Variants in PDE11A observed in about 807,000 individuals in gnomAD.
The protein encoded by PDE11A is dual 3',5'-cyclic-AMP and -GMP phosphodiesterase 11A.
In PDE11A, 100 loss-of-function variants were observed where a neutral mutation model predicts 100.5. That is an observed-to-expected ratio of 1.00 (90% CI 0.85 to 1.18). The LOEUF (loss-of-function observed/expected upper bound fraction) is 1.18. PDE11A is among the 50% of genes most tolerant of loss of function. The pLI is 0.00. For synonymous variants in PDE11A, 381 were observed against 420.8 expected (o/e 0.91, Z 1.16); for missense variants, 1,141 against 1,152.6 (o/e 0.99, Z 0.15).
At chr2:177,937,104 C>T (rs966777867) in intron 2 of PDE11A, among the ~76,000 whole-genome samples, 13 of 152,046 alleles carry the variant, frequency 8.6e-5, no homozygotes, top group Admixed American at 6.6e-5. Context: ...GAACGTTGTA[C>T]GTGCTTTTAC....
intron 19 of PDE11A, among the ~76,000 whole-genome samples, chr2:177,658,479 T>C (rs1414853517): frequency 1.3e-5 from 2 of 151,310 alleles, no homozygotes; most frequent in East Asian, 3.9e-4. Flanking sequence ...CTCTCCTCCC[T>C]TCCCCTCTCC....
At chr2:178,014,521 A>T in intron 1 of PDE11A, 61 bp from the exon 2 acceptor site, 1 of 1,383,610 alleles carries the variant, frequency 7.2e-7, no homozygotes, top group Non-Finnish European at 1.0e-6. Context: ...AGAAGGAGAG[A>T]GAGGTTTATT....
intron 12 of PDE11A, among the ~76,000 whole-genome samples, chr2:177,725,392 T>G (rs1218775561): frequency 6.6e-6 from 1 of 152,126 alleles, no homozygotes; most frequent in African/African-American, 2.4e-5. Context: ...CAGAAAATAC[T>G]ATCTTTTCCA....
chr2:177,721,305 C>T (rs1574078133), intron 12 of PDE11A, among the ~76,000 whole-genome samples: 1 of 152,074 alleles, frequency 6.6e-6, no homozygotes, highest in African/African-American at 2.4e-5. Context: ...TGTTTGCTAG[C>T]GTATTTCAAA....
At chr2:177,666,215 A>G (rs146038471) in intron 18 of PDE11A, among the ~76,000 whole-genome samples, 32 of 152,304 alleles carry the variant, frequency 2.1e-4, no homozygotes, top group African/African-American at 7.5e-4. Context: ...CACTGTTTTC[A>G]AGGTTTACCC....
intron 1 of PDE11A, among the ~76,000 whole-genome samples, chr2:178,014,870 T>A (rs1369987158): frequency 9.3e-6 from 1 of 107,118 alleles, no homozygotes; most frequent in Non-Finnish European, 2.2e-5. Flanking sequence ...CTGGCCAAAA[T>A]GATCCTGTGA....
rs113543077 is a variant in PDE11A at position 177,819,867 on chromosome 2, T to C, written c.1576+353A>G. Among the ~76,000 whole-genome samples, 1,143 of 119,414 alleles carry C rather than the reference T, an allele frequency of 9.6e-3. 8 individuals are homozygous for C. The highest frequency in any genetic ancestry group is 0.017 in the South Asian group (49 of 2,946). 78.3% of individuals were successfully genotyped at this position (119,414 alleles called of 152,430 possible). ...TCATTTCTCTTTCTCTCTTTCTCTC[T>C]TTCTCTCTCTCTCTCTCTCTCTCTC... On this transcript the variant is annotated intron_variant, in intron 7 of 19. Transcript: ENST00000286063.
chr2:177,717,904 T>A (rs1204932980), intron 12 of PDE11A, among the ~76,000 whole-genome samples: 1 of 152,202 alleles, frequency 6.6e-6, no homozygotes, highest in Non-Finnish European at 1.5e-5. Flanking sequence ...TTAATGTTGA[T>A]CCTGTATGAT....
intron 4 of PDE11A, among the ~76,000 whole-genome samples, chr2:177,887,180 A>C (rs12693127): frequency 0.1 from 15,324 of 152,220 alleles, 960 homozygotes; most frequent in African/African-American, 0.18. Flanking sequence ...AGAAAGAAAG[A>C]AAGCAATGGC....
intron 13 of PDE11A, among the ~76,000 whole-genome samples, chr2:177,707,154 T>C (rs911898139): frequency 2.0e-5 from 3 of 152,166 alleles, no homozygotes; most frequent in African/African-American, 7.2e-5. Context: ...CAGGCTCCAG[T>C]CTACCACATG....
At chr2:177,710,109 A>G (rs2081338260) in intron 13 of PDE11A, among the ~76,000 whole-genome samples, 1 of 151,970 alleles carries the variant, frequency 6.6e-6, no homozygotes, top group South Asian at 2.1e-4. Flanking sequence ...GGGACAGCAG[A>G]TACAGGAGGG....
chr2:177,932,417 A>G (rs904535395), intron 2 of PDE11A, among the ~76,000 whole-genome samples: 1 of 152,114 alleles, frequency 6.6e-6, no homozygotes, highest in African/African-American at 2.4e-5. Flanking sequence ...AACAAAATTC[A>G]ACAATACATA....
intron 4 of PDE11A, among the ~76,000 whole-genome samples, chr2:177,897,491 G>A (rs1228328820): frequency 6.6e-6 from 1 of 152,212 alleles, no homozygotes; most frequent in Non-Finnish European, 1.5e-5. Flanking sequence ...AACAGCAGCT[G>A]TGAAAGAACC....
chr2:177,965,395 T>G (rs953037171), intron 2 of PDE11A, among the ~76,000 whole-genome samples: 9 of 152,218 alleles, frequency 5.9e-5, no homozygotes, highest in African/African-American at 2.2e-4. Context: ...AATTTTTCCG[T>G]TGCAATTGCT....
At chr2:177,706,336 CAA>C (rs1427174085) in intron 13 of PDE11A, among the ~76,000 whole-genome samples, 1 of 152,130 alleles carries the variant, frequency 6.6e-6, no homozygotes, top group African/African-American at 2.4e-5. Context: ...CAAATCACTT[CAA>C]AGACTAGAAT....
intron 2 of PDE11A, among the ~76,000 whole-genome samples, chr2:178,088,777 G>A (rs758826380): frequency 2.0e-5 from 3 of 152,166 alleles, no homozygotes; most frequent in African/African-American, 4.8e-5. Flanking sequence ...TCCTGTTAAC[G>A]GTACTACAAA....
chr2:177,924,295 A>T (rs2085096024), intron 2 of PDE11A, among the ~76,000 whole-genome samples: 1 of 152,230 alleles, frequency 6.6e-6, no homozygotes, highest in Non-Finnish European at 1.5e-5. Context: ...TGATCAAATC[A>T]GAGCCTGACC....
chr2:177,669,710 A>G (rs1253135065), intron 17 of PDE11A, 143 bp from the exon 18 acceptor site: 1 of 652,264 alleles, frequency 1.5e-6, no homozygotes, highest in Non-Finnish European at 2.8e-6. Flanking sequence ...TTAACCTTTC[A>G]TGTTTGAAGG....
intron 19 of PDE11A, among the ~76,000 whole-genome samples, chr2:177,643,109 C>T (rs112428660): frequency 3.3e-5 from 5 of 152,116 alleles, no homozygotes; most frequent in African/African-American, 9.7e-5. Context: ...AGTGTGAAAA[C>T]GGACCAATAC....
Sources: allele counts gnomAD v4.1 joint callset (sites outside exome capture counted in the v4.1 genomes callset), GRCh38; gene constraint gnomAD v4.1.1; transcripts MANE v1.5; gene names NCBI Gene and HGNC (gene_info 2026-07-23, HGNC 2026-07-21).